Variants in NAV3 observed in about 807,000 individuals in gnomAD.
NAV3 encodes pore membrane and/or filament interacting like protein 1.
A neutral mutation model predicts 244.7 loss-of-function variants in NAV3; 87 were observed. The ratio of observed to expected loss-of-function variants is 0.36; its 90% CI spans 0.30 to 0.42. The LOEUF is 0.42. Ranked by LOEUF, NAV3 falls within the 20% of genes least tolerant of loss-of-function variation. NAV3 has a pLI of 1.00. For synonymous variants in NAV3, 1,126 were observed against 1,042.2 expected, an observed-to-expected ratio of 1.08 and a Z score of -1.55; for missense variants, 2,663 against 2,893.3, an observed-to-expected ratio of 0.92 and a Z score of 1.83.
At chr12:77,607,605 T>A (rs1264595177) in intron 2 of NAV3, among the ~76,000 whole-genome samples, 2 of 152,018 alleles carry the variant, frequency 1.3e-5, no homozygotes, top group African/African-American at 4.8e-5. Context: ...ACCAGTATGG[T>A]GGGGTGGTGC....
At chr12:77,787,365 C>T (rs945858864) in intron 2 of NAV3, among the ~76,000 whole-genome samples, 7 of 152,064 alleles carry the variant, frequency 4.6e-5, no homozygotes, top group South Asian at 2.1e-4. Context: ...GTTCTCATGC[C>T]GCTAATAAAG....
At chr12:78,178,857 A>C (rs2139701400) in intron 28 of NAV3, among the ~76,000 whole-genome samples, 1 of 152,278 alleles carries the variant, frequency 6.6e-6, no homozygotes, top group South Asian at 2.1e-4. Flanking sequence ...CAAAACAATA[A>C]AAACACAACA....
intron 2 of NAV3, among the ~76,000 whole-genome samples, chr12:77,730,742 A>G (rs967239183): frequency 8.6e-5 from 13 of 151,646 alleles, no homozygotes; most frequent in African/African-American, 2.9e-4. Flanking sequence ...AAAAGTGCCC[A>G]TTGAATGGGA....
At position 78,055,784 on chromosome 12, in the gene NAV3, A is replaced by G. The variant is rs11108043; in HGVS notation, c.2517-3212A>G. On this transcript the variant is annotated intron_variant, in intron 11 of 39. Transcript: ENST00000397909. ...TTGTCTAGAACAGCTGCATGACCAC[A>G]TCTGACTGTAAAAGAGACTAGGTTA... Among the ~76,000 whole-genome samples the G allele has an allele frequency of 6.3e-3, 967 of 152,300 alleles. 9 individuals are homozygous for G. Among genetic ancestry groups the G allele is most frequent in the African/African-American group, 0.022 (902 of 41,582 alleles).
intron 8 of NAV3, among the ~76,000 whole-genome samples, 166 bp from the exon 9 acceptor site, chr12:78,021,581 A>G (rs1343148843): frequency 6.6e-6 from 1 of 152,192 alleles, no homozygotes; most frequent in East Asian, 1.9e-4. Context: ...TGTATGAAAA[A>G]TAACACAGTT....
At chr12:78,081,490 A>T (rs1953350416) in intron 12 of NAV3, among the ~76,000 whole-genome samples, 1 of 152,108 alleles carries the variant, frequency 6.6e-6, no homozygotes, top group South Asian at 2.1e-4. Context: ...TGTGCTGTGG[A>T]TGCTCCTCCG....
chr12:78,098,722 T>TA (rs35595400), intron 12 of NAV3, among the ~76,000 whole-genome samples: 49 of 151,710 alleles, frequency 3.2e-4, no homozygotes, highest in African/African-American at 1.2e-3. Context: ...GAAACTGGTT[T>TA]TTTTTTAGCA....
At chr12:77,637,067 C>A (rs1001500135) in intron 2 of NAV3, among the ~76,000 whole-genome samples, 8 of 152,006 alleles carry the variant, frequency 5.3e-5, no homozygotes, top group African/African-American at 1.9e-4. Flanking sequence ...TGCAGCAAAC[C>A]ACCATGGCAC....
intron 2 of NAV3, among the ~76,000 whole-genome samples, chr12:77,576,503 A>G (rs1226652372): frequency 6.6e-6 from 1 of 152,154 alleles, no homozygotes; most frequent in African/African-American, 2.4e-5. Context: ...TACGATTGCC[A>G]GAGCTCTACA....
At chr12:78,189,929 A>C in intron 33 of NAV3, 55 bp from the exon 34 acceptor site, 1 of 1,327,388 alleles carries the variant, frequency 7.5e-7, no homozygotes, top group Non-Finnish European at 1.1e-6. Context: ...TGATATTTTA[A>C]ATTCTAGCTT....
chr12:77,667,667 C>T (rs11106195), intron 2 of NAV3, among the ~76,000 whole-genome samples: 12,138 of 152,104 alleles, frequency 0.08, 685 homozygotes, highest in African/African-American at 0.17. Context: ...TCTTTCTCTA[C>T]CCACTCTGGT....
intron 9 of NAV3, among the ~76,000 whole-genome samples, chr12:78,042,660 G>C (rs564909394): frequency 6.6e-6 from 1 of 152,112 alleles, no homozygotes; most frequent in Non-Finnish European, 1.5e-5. Context: ...GCATGGTGGC[G>C]AGGGCCTGAT....
chr12:77,785,302 C>T (rs1000162196), intron 2 of NAV3, among the ~76,000 whole-genome samples: 2 of 152,062 alleles, frequency 1.3e-5, no homozygotes, highest in Non-Finnish European at 2.9e-5. Context: ...CTCTGTCTGT[C>T]CTGTACAGGG....
At chr12:77,591,545 C>A (rs1332549477) in intron 2 of NAV3, among the ~76,000 whole-genome samples, 2 of 152,148 alleles carry the variant, frequency 1.3e-5, no homozygotes, top group Admixed American at 1.3e-4. Flanking sequence ...TTTCTTGAGT[C>A]TATAGAACCA....
At chr12:77,772,934 A>G (rs775227331) in intron 2 of NAV3, among the ~76,000 whole-genome samples, 2 of 152,192 alleles carry the variant, frequency 1.3e-5, no homozygotes, top group Non-Finnish European at 2.9e-5. Context: ...CATGAATAAC[A>G]GATAAATCTG....
In NAV3 at chr12:78,185,637, A is replaced by G. The variant is rs189021668; in HGVS notation, c.5729A>G (p.His1910Arg). Residue 1910 changes from histidine (H) to arginine (R), a missense_variant, in exon 31 of 40, where the codon CAT (histidine) becomes CGT (arginine). By Grantham distance (29) the His-to-Arg change is conservative. This residue lies in a region of NAV3 where 543 missense variants were observed against 672.4 expected (regional missense o/e 0.81). Coordinates refer to ENST00000397909, the MANE Select transcript of NAV3 (RefSeq NM_001024383.2). ...LLDDAGDATGHKDGRSVKIIV... is the reference protein window; with the variant it reads ...LLDDAGDATGRKDGRSVKIIV... ...GATGATGCTGGTGATGCAACTGGAC[A>G]TAAAGATGGCCGCAGTGTGAAAATT... 1.1e-4 allele frequency: 177 copies of G among 1,608,622 alleles called. 4 individuals carry two copies. The South Asian group carries it at 1.9e-3, about 17-fold the overall frequency.
chr12:77,669,398 T>C (rs1307087374), intron 2 of NAV3, among the ~76,000 whole-genome samples: 1 of 152,146 alleles, frequency 6.6e-6, no homozygotes, highest in Admixed American at 6.6e-5. Flanking sequence ...ACTTAAAAGA[T>C]ACAGAAAGAC....
chr12:77,740,696 T>A (rs111448712), intron 2 of NAV3, among the ~76,000 whole-genome samples: 294 of 152,268 alleles, frequency 1.9e-3, no homozygotes, highest in Non-Finnish European at 3.0e-3. Flanking sequence ...GGAGCCACTT[T>A]CTAAGAGGGT....
intron 2 of NAV3, among the ~76,000 whole-genome samples, chr12:77,615,909 T>G (rs1327194436): frequency 1.3e-5 from 2 of 152,184 alleles, no homozygotes; most frequent in African/African-American, 4.8e-5. Context: ...GTTATCCATT[T>G]GTACACTAAC....
Sources: gnomAD v4.1 joint callset for allele counts (sites outside exome capture counted in the v4.1 genomes callset) on GRCh38, gnomAD v4.1.1 for gene constraint, gnomAD v4.1.1 regional missense constraint, MANE v1.5 for transcripts, NCBI Gene and HGNC (gene_info 2026-07-23, HGNC 2026-07-21) for gene names.